Variants in CRLS1 observed in about 807,000 individuals in gnomAD.
CRLS1 encodes the protein cardiolipin synthase 1.
A neutral mutation model predicts 37.0 loss-of-function variants in CRLS1; 24 were observed. The observed-to-expected ratio is 0.65, with a 90% CI of 0.47 to 0.91. CRLS1 has a LOEUF of 0.91. Among genes scored for constraint, CRLS1 ranks in the 40% least tolerant of loss-of-function variants. CRLS1 has a pLI of 0.00. For missense variants in CRLS1, 373 were observed against 395.8 expected, an observed-to-expected ratio of 0.94 and a Z score of 0.49; for synonymous variants, 135 against 159.7, an observed-to-expected ratio of 0.85 and a Z score of 1.17.
At chr20:6,008,869 TACTTGTAAGTAGAC>T (rs1005085459) in intron 1 of CRLS1, among the ~76,000 whole-genome samples, 5 of 152,246 alleles carry the variant, frequency 3.3e-5, no homozygotes, top group African/African-American at 1.2e-4. Context: ...CTGACACTTT[TACTTGTAAGTAGAC>T]ACTGTTTGTC....
At chr20:6,012,738 T>C (rs145996132) in intron 2 of CRLS1, among the ~76,000 whole-genome samples, 88 of 152,258 alleles carry the variant, frequency 5.8e-4, no homozygotes, top group African/African-American at 2.1e-3. Context: ...CTGTCAGATA[T>C]AGATGGTTGG....
At position 6,034,546 on chromosome 20, in the gene CRLS1, A is replaced by AG; in HGVS notation, c.813dup (p.Ile272AspfsTer16). ...AACTATGCTGACAGCATTTATCTTC[A>AG]GATACTATGGTAAGCTAAATTTAGA... On this transcript the variant is annotated frameshift_variant, in exon 6 of 7. Coordinates refer to ENST00000378863, the MANE Select transcript of CRLS1 (RefSeq NM_019095.6). LOFTEE classifies it high-confidence loss of function. 1 of 1,608,780 alleles carries AG rather than the reference A, an allele frequency of 6.2e-7. No individual in the cohort carries two copies. Among genetic ancestry groups the AG allele is most frequent in the Non-Finnish European group, 8.5e-7 (1 of 1,176,374 alleles).
rs148884159 is a variant in CRLS1, at chr20:6,022,308, A to G, written c.574+6818A>G. Among the ~76,000 whole-genome samples, 576 of 149,366 alleles carry G rather than the reference A, an allele frequency of 3.9e-3. 1 individual carries two copies. Among genetic ancestry groups the G allele is most frequent in the Non-Finnish European group, 5.9e-3 (398 of 67,544 alleles). On this transcript the variant is annotated intron_variant, in intron 3 of 6. Coordinates refer to ENST00000378863, the MANE Select transcript of CRLS1 (RefSeq NM_019095.6). ...TCAGTCATCTTCTTCCATTGTTGAT[A>G]ATAAGAAATCAGCTGTTAATCCATT...
At chr20:6,032,991 G>C (rs756410235) in intron 5 of CRLS1, among the ~76,000 whole-genome samples, 14 of 152,010 alleles carry the variant, frequency 9.2e-5, no homozygotes, top group Non-Finnish European at 1.8e-4. Context: ...TTTGAGTGTA[G>C]CGTTACATGG....
intron 2 of CRLS1, among the ~76,000 whole-genome samples, chr20:6,011,585 T>C (rs1978324171): frequency 5.1e-5 from 5 of 97,540 alleles, no homozygotes; most frequent in South Asian, 3.9e-4. Context: ...TTTTTTTTTT[T>C]TTTTTTTTTT....
At chr20:6,015,945 A>G (rs906614224) in intron 3 of CRLS1, 10 of 166,110 alleles carry the variant, frequency 6.0e-5, no homozygotes, top group Non-Finnish European at 1.3e-4. Flanking sequence ...TTTTTAAATC[A>G]TATATATAGT....
rs1391722713 is a variant in CRLS1 at position 6,037,242 on chromosome 20, T to C, written c.*84T>C. 1 of 934,560 alleles carries C rather than the reference T, an allele frequency of 1.1e-6. No individual in the cohort carries two copies. The highest frequency in any genetic ancestry group is 1.6e-6 in the Non-Finnish European group (1 of 638,754). 57.9% of individuals were successfully genotyped at this position (934,560 alleles called of 1,614,324 possible). The stretch of plus-strand genomic sequence containing the variant: ...ATGGAAATGTACAGGAGTTTCCCTA[T>C]TTTGGTGTTCAGCTTGAAAAAGGAC... On this transcript the variant is annotated 3_prime_UTR_variant, in exon 7 of 7. Coordinates refer to ENST00000378863, the MANE Select transcript of CRLS1 (RefSeq NM_019095.6).
chr20:6,036,232 G>A (rs1434270634), intron 6 of CRLS1, among the ~76,000 whole-genome samples: 2 of 152,182 alleles, frequency 1.3e-5, no homozygotes, highest in African/African-American at 4.8e-5. Flanking sequence ...TTATAGTCAT[G>A]AGCCACTGCG....
At chr20:6,021,205 TAC>T (rs1979259212) in intron 3 of CRLS1, among the ~76,000 whole-genome samples, 2 of 151,992 alleles carry the variant, frequency 1.3e-5, no homozygotes, top group Admixed American at 6.6e-5. Flanking sequence ...TAGCTGGAAT[TAC>T]AGGTGCGTGC....
In CRLS1 at chr20:6,006,267, G is replaced by T. The variant is rs961131000; in HGVS notation, c.21G>T (p.Ala7=). The change falls in exon 1 of 7, where the codon GCG becomes GCT. Residue 7 remains alanine, a synonymous_variant. Coordinates refer to ENST00000378863, the MANE Select transcript of CRLS1 (RefSeq NM_019095.6). ...GGGCCATGCTAGCCTTGCGCGTGGCGCGCGGCTCGTGGGGGGCCCTGCGCG... is the reference window on the plus strand; with the variant it reads ...GGGCCATGCTAGCCTTGCGCGTGGCTCGCGGCTCGTGGGGGGCCCTGCGCG... MLALRV[A]RGSWGALRGA... 2 of 1,251,578 alleles carry T rather than the reference G, an allele frequency of 1.6e-6. No individual in the cohort carries two copies. Among genetic ancestry groups the T allele is most frequent in the African/African-American group, 3.1e-5 (2 of 63,912 alleles). The allele number at this position is 1,251,578 out of a possible 1,614,324, so 77.5% of individuals were successfully genotyped here. A position where few individuals can be genotyped will look rare whatever the true frequency, so the allele number is the denominator to read the frequency against.
chr20:6,031,255 A>C (rs1980142454), intron 3 of CRLS1, 30 bp from the exon 4 acceptor site: 8 of 1,462,358 alleles, frequency 5.5e-6, no homozygotes, highest in African/African-American at 1.4e-5. Context: ...TCAGAATCCC[A>C]GTTAAAATTA....
At chr20:6,010,983 C>T (rs530009685) in intron 2 of CRLS1, among the ~76,000 whole-genome samples, 86 of 151,396 alleles carry the variant, frequency 5.7e-4, no homozygotes, top group African/African-American at 1.9e-3. Context: ...CACCACTGTA[C>T]TCTAGCCTGG....
At position 6,039,261 on chromosome 20, in the gene CRLS1, T is replaced by TTGTGTGTGTGTGTGTGTGTG. The variant is rs57347731; in HGVS notation, c.*2127_*2146dup. 1 of 147,856 alleles carries TTGTGTGTGTGTGTGTGTGTG rather than the reference T, an allele frequency of 6.8e-6. No individual in the cohort carries two copies. The highest frequency in any genetic ancestry group is 1.5e-5 in the Non-Finnish European group (1 of 67,038). 9.2% of individuals were successfully genotyped at this position (147,856 alleles called of 1,614,324 possible). A position where few individuals can be genotyped will look rare whatever the true frequency, so the allele number is the denominator to read the frequency against. On this transcript the variant is annotated 3_prime_UTR_variant, in exon 7 of 7. Transcript: ENST00000378863. ...CACCAACTGTGCTTTGCAGTTTTGT[T>TTGTGTGTGTGTGTGTGTGTG]TGTGTGTGTGTGTGTGTGTGTGTGT...
At chr20:6,028,173 C>T (rs1036754767) in intron 3 of CRLS1, 2 of 152,140 alleles carry the variant, frequency 1.3e-5, no homozygotes, top group African/African-American at 4.8e-5. Flanking sequence ...TAAGAAATAT[C>T]TTCTGCAGGA....
chr20:6,034,095 T>G (rs1980378122), intron 5 of CRLS1, among the ~76,000 whole-genome samples: 1 of 152,256 alleles, frequency 6.6e-6, no homozygotes, highest in African/African-American at 2.4e-5. Flanking sequence ...TCATTACCCT[T>G]TTACCCATGA....
At chr20:6,016,094 T>C (rs1600359716) in intron 3 of CRLS1, 1 of 154,722 alleles carries the variant, frequency 6.5e-6, no homozygotes, top group East Asian at 1.9e-4. Flanking sequence ...GTTAAACTGT[T>C]TTTTTCCCAA....
chr20:6,036,909 G>A (rs1227654396), intron 6 of CRLS1, among the ~76,000 whole-genome samples, 165 bp from the exon 7 acceptor site: 1 of 152,166 alleles, frequency 6.6e-6, no homozygotes, highest in Admixed American at 6.5e-5. Context: ...AAGAAAAGCA[G>A]TGTATTTAGA....
At chr20:6,035,895 C>A (rs1980512581) in intron 6 of CRLS1, among the ~76,000 whole-genome samples, 2 of 152,006 alleles carry the variant, frequency 1.3e-5, no homozygotes, top group Admixed American at 1.3e-4. Context: ...ACCTCTACCA[C>A]CCGGGTTCAA....
chr20:6,031,894 A>G, intron 4 of CRLS1, 118 bp from the exon 5 acceptor site: 1 of 715,964 alleles, frequency 1.4e-6, no homozygotes, highest in Non-Finnish European at 2.4e-6. Flanking sequence ...TATATATTGA[A>G]TGTATGATTT....
Sources: gnomAD v4.1 joint callset for allele counts (sites outside exome capture counted in the v4.1 genomes callset) on GRCh38, gnomAD v4.1.1 for gene constraint, MANE v1.5 for transcripts, NCBI Gene and HGNC (gene_info 2026-07-23, HGNC 2026-07-21) for gene names.